The following ZDHHC14 variants were observed in gnomAD, a reference collection of about 807,000 sequenced individuals.
The protein encoded by ZDHHC14 is zDHHC palmitoyltransferase 14, also known as palmitoyltransferase ZDHHC14.
Under a neutral mutation model 47.7 loss-of-function variants are expected in ZDHHC14, and 16 were observed. That is an observed-to-expected ratio of 0.34 (90% CI 0.23 to 0.51). The LOEUF (loss-of-function observed/expected upper bound fraction) is 0.51. Ranked by LOEUF, ZDHHC14 falls within the 20% of genes least tolerant of loss-of-function variation. The probability of loss-of-function intolerance (pLI) is 0.97; values close to 1 mark genes in which losing one functional copy is unlikely to be tolerated. For missense variants in ZDHHC14, 515 were observed against 662.5 expected (o/e 0.78, Z 2.44); for synonymous variants, 293 against 278.9 (o/e 1.05, Z -0.50).
chr6:157,561,445 T>C (rs1209139691), intron 2 of ZDHHC14, among the ~76,000 whole-genome samples: 1 of 152,172 alleles, frequency 6.6e-6, no homozygotes, highest in Admixed American at 6.5e-5. Flanking sequence ...AATGTATACA[T>C]ATACAAGTGA....
chr6:157,387,398 T>A (rs749814660), intron 1 of ZDHHC14, among the ~76,000 whole-genome samples: 1 of 152,212 alleles, frequency 6.6e-6, no homozygotes, highest in Non-Finnish European at 1.5e-5. Context: ...GCCTTTATAA[T>A]ATATAATAAC....
At chr6:157,542,978 G>A (rs1176045722) in intron 2 of ZDHHC14, among the ~76,000 whole-genome samples, 2 of 152,206 alleles carry the variant, frequency 1.3e-5, no homozygotes, top group African/African-American at 2.4e-5. Flanking sequence ...CTCGAGCAAA[G>A]CATCAGTGTG....
intron 1 of ZDHHC14, among the ~76,000 whole-genome samples, chr6:157,439,745 A>G (rs1778525431): frequency 6.6e-6 from 1 of 152,200 alleles, no homozygotes; most frequent in African/African-American, 2.4e-5. Flanking sequence ...GATAGCAAAG[A>G]CATGGAATCA....
At chr6:157,620,154 A>G (rs577190243) in intron 3 of ZDHHC14, among the ~76,000 whole-genome samples, 2 of 152,286 alleles carry the variant, frequency 1.3e-5, no homozygotes, top group East Asian at 3.9e-4. Context: ...TTTATTTCTT[A>G]GGGTTCTGGA....
chr6:157,400,243 A>G (rs1562410328), intron 1 of ZDHHC14, among the ~76,000 whole-genome samples: 1 of 152,188 alleles, frequency 6.6e-6, no homozygotes, highest in Non-Finnish European at 1.5e-5. Flanking sequence ...ACAGCTCTGC[A>G]GGCCTTTTGT....
In ZDHHC14 at chr6:157,382,105, C is replaced by G; in HGVS notation, c.84C>G (p.Pro28=). ...ACAGCTCCTCCCCCATGGAGTCGCC[C>G]CACAAGAAGAAGAAAATCGCGGCCC... ...STHSSSPMES[P]HKKKKIAARR... The change falls in exon 1 of 9, where the codon CCC becomes CCG. Residue 28 remains proline (P), a synonymous_variant. Coordinates refer to ENST00000359775, the MANE Select transcript of ZDHHC14 (RefSeq NM_024630.3). The G allele has an allele frequency of 6.2e-7, 1 of 1,612,684 alleles. No individual in the cohort carries two copies.
intron 1 of ZDHHC14, among the ~76,000 whole-genome samples, chr6:157,495,695 AT>A (rs71027341): frequency 0.054 from 5,578 of 103,956 alleles, 273 homozygotes; most frequent in African/African-American, 0.17. Context: ...TTCGGGTTGA[AT>A]TTTTTTTTTT....
intron 1 of ZDHHC14, among the ~76,000 whole-genome samples, chr6:157,541,776 G>A (rs1486979105): frequency 7.8e-6 from 1 of 128,778 alleles, no homozygotes; most frequent in African/African-American, 2.8e-5. Flanking sequence ...GTCAGACACT[G>A]GTTCCCAGGC....
intron 1 of ZDHHC14, 65 bp downstream of exon 1, chr6:157,382,331 C>G (rs1777230838): frequency 1.0e-5 from 16 of 1,560,938 alleles, no homozygotes; most frequent in Non-Finnish European, 1.3e-5. Flanking sequence ...CCCGCCCCTC[C>G]TCGGGCTGCT....
chr6:157,419,690 A>G (rs111938817), intron 1 of ZDHHC14, among the ~76,000 whole-genome samples: 5,500 of 152,256 alleles, frequency 0.036, 323 homozygotes, highest in African/African-American at 0.13. Context: ...ATATACCACC[A>G]TTTGTTTTTC....
At chr6:157,529,839 C>T (rs1026664452) in intron 1 of ZDHHC14, among the ~76,000 whole-genome samples, 1 of 152,198 alleles carries the variant, frequency 6.6e-6, no homozygotes, top group Non-Finnish European at 1.5e-5. Context: ...GGCCCATGGG[C>T]TTTGATGGCG....
At chr6:157,663,107 T>C (rs1778412751) in intron 8 of ZDHHC14, among the ~76,000 whole-genome samples, 1 of 152,320 alleles carries the variant, frequency 6.6e-6, no homozygotes, top group African/African-American at 2.4e-5. Context: ...TCTAATTAGC[T>C]TGGAGTCCCA....
At chr6:157,524,002 G>C (rs1218752338) in intron 1 of ZDHHC14, among the ~76,000 whole-genome samples, 1 of 152,232 alleles carries the variant, frequency 6.6e-6, no homozygotes, top group African/African-American at 2.4e-5. Flanking sequence ...TAGATGGTTG[G>C]TGGTATCTAA....
At chr6:157,624,812 C>A (rs1785337370) in intron 3 of ZDHHC14, among the ~76,000 whole-genome samples, 1 of 152,180 alleles carries the variant, frequency 6.6e-6, no homozygotes, top group African/African-American at 2.4e-5. Context: ...AAGTGAAAAA[C>A]AAATGTGAGC....
At chr6:157,574,243 C>A (rs757877695) in intron 2 of ZDHHC14, among the ~76,000 whole-genome samples, 1 of 151,684 alleles carries the variant, frequency 6.6e-6, no homozygotes, top group Non-Finnish European at 1.5e-5. Flanking sequence ...GCCAAGATGG[C>A]AAAATCCTAT....
At chr6:157,484,340 T>G (rs1779717269) in intron 1 of ZDHHC14, among the ~76,000 whole-genome samples, 1 of 141,192 alleles carries the variant, frequency 7.1e-6, no homozygotes, top group Non-Finnish European at 1.5e-5. Flanking sequence ...TATATATACA[T>G]TATACGTATA....
intron 1 of ZDHHC14, among the ~76,000 whole-genome samples, chr6:157,482,263 T>TC (rs1779649879): frequency 7.0e-6 from 1 of 143,172 alleles, no homozygotes. Context: ...TTCTTTTCTT[T>TC]TTTTTTTTTT....
In ZDHHC14 at chr6:157,608,383, G is replaced by A. The variant is rs1784624151; in HGVS notation, c.565+15237G>A. On this transcript the variant is annotated intron_variant, in intron 3 of 8. Transcript: ENST00000359775. The stretch of plus-strand genomic sequence containing the variant: ...ACCGAGAAGCACAGGTGGATTAGGA[G>A]GCACCGGTGGTACAGGGAGGTGAGT... Among the ~76,000 whole-genome samples the A allele has an allele frequency of 2.0e-5, 3 of 152,086 alleles. No homozygotes were observed. The South Asian group carries it at 6.2e-4, about 32-fold the overall frequency.
intron 8 of ZDHHC14, among the ~76,000 whole-genome samples, chr6:157,669,738 G>A (rs1045572005): frequency 1.2e-4 from 18 of 152,236 alleles, no homozygotes; most frequent in African/African-American, 3.9e-4. Flanking sequence ...CTCCAGAGGG[G>A]AAGCTTGAAA....
Sources: allele counts gnomAD v4.1 joint callset (sites outside exome capture counted in the v4.1 genomes callset), GRCh38; gene constraint gnomAD v4.1.1; transcripts MANE v1.5; gene names NCBI Gene and HGNC (gene_info 2026-07-23, HGNC 2026-07-21).